IL9R: variants seen among roughly 807,000 people sequenced by gnomAD.
IL9R encodes interleukin 9 receptor.
Under a neutral mutation model 56.3 loss-of-function variants are expected in IL9R, and 54 were observed. That is an observed-to-expected ratio of 0.96 (90% confidence interval 0.77 to 1.20). IL9R has a LOEUF of 1.20. Among genes scored for constraint, IL9R ranks in the 50% most tolerant of loss-of-function variants. The pLI is 0.00. For synonymous variants in IL9R, 212 were observed against 250.2 expected, an observed-to-expected ratio of 0.85 and a Z score of 1.44; for missense variants, 545 against 629.8, an observed-to-expected ratio of 0.87 and a Z score of 1.44.
chrX:156,007,562 G>C lies in IL9R; in HGVS notation c.927G>C (p.Ala309=). 7.2e-7 allele frequency: 1 copy of C among 1,393,102 alleles called. No individual in the cohort carries two copies. The highest frequency in any genetic ancestry group is 1.2e-5 in the South Asian group (1 of 81,704). The allele number at this position is 1,393,102 out of a possible 1,614,324, so 86.3% of individuals were successfully genotyped here. A position where few individuals can be genotyped will look rare whatever the true frequency, so the allele number is the denominator to read the frequency against. Residue 309 remains alanine, a synonymous_variant, in exon 8 of 9, where the codon GCG becomes GCC. Transcript: ENST00000244174. ...TCTACCAGAACGTGCCCTCTCCAGC[G>C]ATGTTCTTCCAGCCCCTCTACAGTG... ...RIFYQNVPSP[A]MFFQPLYSVH...
At chrX:156,006,856 G>C (rs1016723983) in intron 7 of IL9R, among the ~76,000 whole-genome samples, 2 of 150,616 alleles carry the variant, frequency 1.3e-5, no homozygotes, top group Non-Finnish European at 2.9e-5. Context: ...TGGGACAAGG[G>C]GACATGGGGG....
rs1186775583 is a variant in IL9R, at chrX:156,007,338, G to A, written c.888-185G>A. ...CAGTATAAATCAGTTCTATGCGGCC[G>A]TTAGGCAAGGAGGCCCAGTTGGGTC... On this transcript the variant is annotated intron_variant, in intron 7 of 8. Transcript: ENST00000244174. Among the ~76,000 whole-genome samples the A allele has an allele frequency of 3.3e-5, 5 of 150,438 alleles. No homozygotes were observed. In the South Asian group the frequency reaches 6.3e-4, roughly 19 times the overall value.
chrX:155,998,623 C>A (rs1052290209), intron 1 of IL9R, among the ~76,000 whole-genome samples: 1 of 151,846 alleles, frequency 6.6e-6, no homozygotes, highest in Admixed American at 6.6e-5. Context: ...GAGTGGGTAT[C>A]CTCTCAGCGT....
In IL9R at chrX:156,009,131, GTGTGTGTT is replaced by G. The variant is rs1180622243; in HGVS notation, c.973-677_973-670del. The stretch of plus-strand genomic sequence containing the variant: ...TGTTTATGTGTCTGTGTATGTTTGT[GTGTGTGTT>G]TGTGTGTGTGTGTTTGTGTTTATGT... On this transcript the variant is annotated intron_variant, in intron 8 of 8. Transcript: ENST00000244174. Among the ~76,000 whole-genome samples, 10 of 149,850 alleles carry G rather than the reference GTGTGTGTT, an allele frequency of 6.7e-5. No homozygotes were observed. In the South Asian group the frequency reaches 1.1e-3, roughly 16 times the overall value.
intron 1 of IL9R, 118 bp from the exon 2 acceptor site, chrX:156,002,788 G>A: frequency 7.0e-7 from 1 of 1,418,452 alleles, no homozygotes; most frequent in South Asian, 1.2e-5. Flanking sequence ...TTAGGACACA[G>A]GACACTGTGT....
intron 1 of IL9R, among the ~76,000 whole-genome samples, chrX:156,002,129 G>A (rs1233035615): frequency 1.3e-5 from 2 of 151,972 alleles, no homozygotes; most frequent in Non-Finnish European, 2.9e-5. Context: ...ATCCCTTGAG[G>A]TCAGGAGGTC....
chrX:156,009,165 GTGTA>G (rs777994725), intron 8 of IL9R, among the ~76,000 whole-genome samples: 24,571 of 108,928 alleles, frequency 0.23, 813 homozygotes, highest in East Asian at 0.41. Flanking sequence ...GTGTTTATGT[GTGTA>G]TGTCTGTGTG....
rs138806186 is a variant in IL9R at position 156,007,766 on chromosome X, C to G, written c.972+159C>G. 4.3e-6 allele frequency: 3 copies of G among 698,572 alleles called. No homozygotes were observed. The African/African-American group carries it at 6.9e-5, about 16-fold the overall frequency. The allele number at this position is 698,572 out of a possible 1,614,324, so 43.3% of individuals were successfully genotyped here. Reference sequence around the variant, plus strand: ...TATTCAGTGAATTTCAATTTATACGCGTATCTCAAATGGGGAAAAATTAGC... The same window carrying G: ...TATTCAGTGAATTTCAATTTATACGGGTATCTCAAATGGGGAAAAATTAGC... On this transcript the variant is annotated intron_variant, in intron 8 of 8. Coordinates refer to ENST00000244174, the MANE Select transcript of IL9R (RefSeq NM_002186.3).
At chrX:156,008,930 TGTTTG>T (rs2068196573) in intron 8 of IL9R, among the ~76,000 whole-genome samples, 1 of 139,048 alleles carries the variant, frequency 7.2e-6, no homozygotes, top group African/African-American at 3.4e-5. Flanking sequence ...TCTGTGTGTG[TGTTTG>T]TGTGTGTATG....
intron 8 of IL9R, among the ~76,000 whole-genome samples, chrX:156,008,911 GTGTGTGTGTC>G (rs1419817484): frequency 1.4e-5 from 2 of 146,404 alleles, no homozygotes; most frequent in Non-Finnish European, 3.0e-5. Flanking sequence ...GTGTGTGTTC[GTGTGTGTGTC>G]TGTGTGTGTG....
At position 156,005,305 on chromosome X, in the gene IL9R, G is replaced by A. The variant is rs200979341; in HGVS notation, c.607G>A (p.Gly203Arg). ...EQAQHRDHIVGVTWLILEAFE... is the reference protein window; with the variant it reads ...EQAQHRDHIVRVTWLILEAFE... Reference sequence around the variant, plus strand: ...GGCCCAGCACAGGGATCACATTGTCGGGGTGACCTGGCTTATACTTGAAGC... The same window carrying A: ...GGCCCAGCACAGGGATCACATTGTCAGGGTGACCTGGCTTATACTTGAAGC... The change falls in exon 6 of 9, where the codon GGG becomes AGG. Residue 203 changes from glycine to arginine, a missense_variant. Around this residue, in one of 2 missense-constraint regions of IL9R, gnomAD observed 431 missense variants for 360.0 expected, o/e 1.20. Coordinates refer to ENST00000244174, the MANE Select transcript of IL9R (RefSeq NM_002186.3). 105 of 1,612,034 alleles carry A rather than the reference G, an allele frequency of 6.5e-5. No homozygotes were observed. The highest frequency in any genetic ancestry group is 4.2e-4 in the Admixed American group (25 of 59,988).
Position 156,003,926 on chromosome X carries a change from C to G in IL9R, c.433+71C>G, listed in dbSNP as rs771118224. The G allele has an allele frequency of 2.1e-4, 319 of 1,486,332 alleles. 2 individuals carry two copies. The South Asian group carries it at 3.6e-3, about 17-fold the overall frequency. 92.1% of individuals were successfully genotyped at this position (1,486,332 alleles called of 1,614,324 possible). On this transcript the variant is annotated intron_variant, in intron 4 of 8. Coordinates refer to ENST00000244174, the MANE Select transcript of IL9R (RefSeq NM_002186.3). ...ATCCTGGCTGCTTGGGGGTTTGGAGCAGGGCCTTGCAGCCTGTGAGTGGCC... is the reference window on the plus strand; with the variant it reads ...ATCCTGGCTGCTTGGGGGTTTGGAGGAGGGCCTTGCAGCCTGTGAGTGGCC...
intron 1 of IL9R, among the ~76,000 whole-genome samples, chrX:155,999,631 A>T (rs2067377672): frequency 6.6e-6 from 1 of 152,058 alleles, no homozygotes; most frequent in South Asian, 2.1e-4. Context: ...CCCTGCTCCC[A>T]TTTCCAGCAC....
chrX:156,004,503 G>A lies in IL9R; in HGVS notation c.517G>A (p.Glu173Lys), dbSNP rs756917195. Reference protein sequence around the residue: ...ILTWSISPALEPMTTLLSYEL... With the variant: ...ILTWSISPALKPMTTLLSYEL... ...GACCTGGAGCATCAGTCCTGCCTTG[G>A]AGCCAATGACCACACTTCTCAGCTA... Residue 173 changes from glutamate (E) to lysine (K), a missense_variant, in exon 5 of 9, where the codon GAG becomes AAG. Glu to Lys is a moderately conservative substitution (Grantham distance 56, BLOSUM62 1). Coordinates refer to ENST00000244174, the MANE Select transcript of IL9R (RefSeq NM_002186.3). 1 of 1,613,700 alleles carries A rather than the reference G, an allele frequency of 6.2e-7. No homozygotes were observed. The highest frequency in any genetic ancestry group is 1.7e-5 in the Admixed American group (1 of 60,010).
intron 1 of IL9R, among the ~76,000 whole-genome samples, chrX:155,999,113 G>A (rs2067335608): frequency 6.6e-6 from 1 of 152,084 alleles, no homozygotes; most frequent in Non-Finnish European, 1.5e-5. Context: ...AGGGGACTGG[G>A]GAAAGGCCTC....
rs780443490 is a variant in IL9R at position 156,005,468 on chromosome X, C to T, written c.770C>T (p.Pro257Leu). ...EWSQPVCFQAPQRQGPLIPPW... is the reference protein window; with the variant it reads ...EWSQPVCFQALQRQGPLIPPW... Reference sequence around the variant, plus strand: ...AGCCAGCCTGTGTGCTTCCAGGCTCCCCAGAGACAAGGTGGGCACTGCTGT... The same window carrying T: ...AGCCAGCCTGTGTGCTTCCAGGCTCTCCAGAGACAAGGTGGGCACTGCTGT... The change falls in exon 6 of 9, where the codon CCC (proline) becomes CTC (leucine). Residue 257 changes from proline (P) to leucine (L), a missense_variant. Physicochemically the swap from Pro to Leu is moderately conservative, Grantham distance 98. This residue lies in a region of IL9R where 431 missense variants were observed against 360.0 expected (regional missense o/e 1.20). Coordinates refer to ENST00000244174, the MANE Select transcript of IL9R (RefSeq NM_002186.3). The T allele has an allele frequency of 3.7e-6, 6 of 1,612,540 alleles. No homozygotes were observed. Among genetic ancestry groups the T allele is most frequent in the Middle Eastern group, 3.8e-4 (2 of 5,272 alleles).
intron 7 of IL9R, among the ~76,000 whole-genome samples, chrX:156,007,018 G>A (rs1245387709): frequency 6.6e-6 from 1 of 151,870 alleles, no homozygotes; most frequent in Admixed American, 6.6e-5. Flanking sequence ...TGAGATATGA[G>A]TGGTGACCCC....
At chrX:156,002,363 C>G (rs2067591003) in intron 1 of IL9R, among the ~76,000 whole-genome samples, 1 of 152,040 alleles carries the variant, frequency 6.6e-6, no homozygotes, top group Admixed American at 6.6e-5. Context: ...AAAAAATTTG[C>G]TTAGAATTTG....
chrX:156,001,775 G>A (rs766921155), intron 1 of IL9R, among the ~76,000 whole-genome samples: 3 of 152,206 alleles, frequency 2.0e-5, no homozygotes, highest in East Asian at 1.9e-4. Context: ...GGGCGTCAGC[G>A]GCCTTCCCAC....
Sources: gnomAD v4.1 joint callset for allele counts (sites outside exome capture counted in the v4.1 genomes callset) on GRCh38, gnomAD v4.1.1 for gene constraint, gnomAD v4.1.1 regional missense constraint, MANE v1.5 for transcripts, NCBI Gene and HGNC (gene_info 2026-07-23, HGNC 2026-07-21) for gene names.